Variants in CSMD3 observed in about 807,000 individuals in gnomAD.
CSMD3 encodes CUB and sushi domain-containing protein 3.
In CSMD3, 177 loss-of-function variants were observed where a neutral mutation model predicts 435.2. The ratio of observed to expected loss-of-function variants is 0.41; its 90% CI spans 0.36 to 0.46. The LOEUF (loss-of-function observed/expected upper bound fraction) is 0.46. Ranked by LOEUF, CSMD3 falls within the 20% of genes least tolerant of loss-of-function variation. The pLI, the probability that CSMD3 is intolerant of heterozygous loss-of-function variation, is 0.34. For synonymous variants in CSMD3, 1,656 were observed against 1,520.5 expected (o/e 1.09, Z -2.07); for missense variants, 4,265 against 4,504.6 (o/e 0.95, Z 1.52).
At chr8:112,537,260 C>G (rs960858194) in intron 27 of CSMD3, among the ~76,000 whole-genome samples, 1 of 151,706 alleles carries the variant, frequency 6.6e-6, no homozygotes, top group Non-Finnish European at 1.5e-5. Flanking sequence ...AACAGCAGTA[C>G]TAATTTATAG....
chr8:112,275,112 T>C (rs572848985), intron 59 of CSMD3, among the ~76,000 whole-genome samples: 1 of 151,952 alleles, frequency 6.6e-6, no homozygotes, highest in East Asian at 1.9e-4. Context: ...GTTCAAACCA[T>C]GCAAACCCTG....
chr8:112,959,600 T>A (rs1163785063), intron 7 of CSMD3, among the ~76,000 whole-genome samples: 1 of 151,910 alleles, frequency 6.6e-6, no homozygotes, highest in African/African-American at 2.4e-5. Context: ...TTGTGCTGTG[T>A]TTGATATGAT....
chr8:112,263,757 A>T lies in CSMD3; in HGVS notation c.9744T>A (p.Asn3248Lys), dbSNP rs1816669546. 6.2e-7 allele frequency: 1 copy of T among 1,613,832 alleles called. No individual in the cohort carries two copies. The highest frequency in any genetic ancestry group is 1.1e-5 in the South Asian group (1 of 91,080). Residue 3248 changes from asparagine (N) to lysine (K), a missense_variant, in exon 61 of 71, where the codon AAT (asparagine) becomes AAA (lysine). Asn to Lys is a moderately conservative substitution (Grantham distance 94). Transcript: ENST00000297405. ...AGCTAATACTAAAGCCCCAGTCGAA[A>T]TTTGTTCCTTCCAGCCTTCCATTAG... is the stretch of plus-strand genomic sequence containing the variant. ...QISNGRLEGT[N>K]FDWGFSISYI...
chr8:112,627,698 T>C (rs1834600313), intron 22 of CSMD3, among the ~76,000 whole-genome samples: 1 of 152,140 alleles, frequency 6.6e-6, no homozygotes, highest in Admixed American at 6.6e-5. Flanking sequence ...CCAAAGAGAT[T>C]TGAGATTTTA....
intron 13 of CSMD3, among the ~76,000 whole-genome samples, chr8:112,788,487 G>A (rs2078609867): frequency 6.6e-6 from 1 of 151,974 alleles, no homozygotes; most frequent in South Asian, 2.1e-4. Context: ...CACCGCCTCT[G>A]GAAATCTTTC....
Position 113,121,287 on chromosome 8 carries a change from G to A in CSMD3, c.710-22324C>T, listed in dbSNP as rs75998960. On this transcript the variant is annotated intron_variant, in intron 4 of 70. Transcript: ENST00000297405. ...TGCACAATCAACTGTGTTAAATACT[G>A]GTGGGGGGAGGGGGAAGCATCTTCT... Among the ~76,000 whole-genome samples the A allele has an allele frequency of 8.4e-3, 1,276 of 152,170 alleles. 20 individuals are homozygous for A. Among genetic ancestry groups the A allele is most frequent in the African/African-American group, 0.029 (1,195 of 41,534 alleles).
chr8:113,331,789 TA>T (rs1456666740), intron 1 of CSMD3, among the ~76,000 whole-genome samples: 1 of 151,702 alleles, frequency 6.6e-6, no homozygotes, highest in African/African-American at 2.4e-5. Context: ...TTCAACCTGA[TA>T]AAGAACAGCT....
At chr8:113,226,499 A>G (rs943640082) in intron 3 of CSMD3, among the ~76,000 whole-genome samples, 2 of 151,588 alleles carry the variant, frequency 1.3e-5, no homozygotes, top group African/African-American at 4.8e-5. Flanking sequence ...TTTGACCTGG[A>G]GTCATTTCTA....
At chr8:113,288,676 GA>G (rs2093663231) in intron 2 of CSMD3, among the ~76,000 whole-genome samples, 1 of 151,616 alleles carries the variant, frequency 6.6e-6, no homozygotes, top group Non-Finnish European at 1.5e-5. Context: ...ATAAACTCCT[GA>G]AAATGTTAAT....
At chr8:112,816,301 T>C (rs2079373667) in intron 12 of CSMD3, among the ~76,000 whole-genome samples, 3 of 152,070 alleles carry the variant, frequency 2.0e-5, no homozygotes, top group Non-Finnish European at 4.4e-5. Context: ...TGTATGTTTG[T>C]AAGTATGCAT....
Position 113,334,297 on chromosome 8 carries a change from A to ATTT in CSMD3, c.179-19507_179-19505dup, listed in dbSNP as rs2094052880. On this transcript the variant is annotated intron_variant, in intron 1 of 70. Coordinates refer to ENST00000297405, the MANE Select transcript of CSMD3 (RefSeq NM_198123.2). Reference sequence around the variant, plus strand: ...TTTAAGTTTTTTTTTTTTTTTTTTCATTTCCAGCCTGTGTACCTGTTACAT... The same window carrying ATTT: ...TTTAAGTTTTTTTTTTTTTTTTTTCATTTTTTCCAGCCTGTGTACCTGTTACAT... Among the ~76,000 whole-genome samples, 220 of 126,120 alleles carry ATTT rather than the reference A, an allele frequency of 1.7e-3. 16 individuals carry two copies. The highest frequency in any genetic ancestry group is 4.7e-3 in the East Asian group (20 of 4,278). The allele number at this position is 126,120 out of a possible 152,430, so 82.7% of individuals were successfully genotyped here.
chr8:112,350,824 C>T (rs540171732), intron 40 of CSMD3, among the ~76,000 whole-genome samples: 1 of 152,094 alleles, frequency 6.6e-6, no homozygotes, highest in South Asian at 2.1e-4. Context: ...TCTATTCCCG[C>T]TCAATAGTAA....
rs555532851 is a variant in CSMD3, at chr8:113,173,832, A to G, written c.599T>C (p.Ile200Thr). Residue 200 changes from isoleucine (I) to threonine (T), a missense_variant, in exon 4 of 71, where the codon ATC becomes ACC. Ile to Thr is a moderately conservative substitution (Grantham distance 89). Around this residue, in one of 3 missense-constraint regions of CSMD3, gnomAD observed 731 missense variants for 755.4 expected, o/e 0.97. Transcript: ENST00000297405. The stretch of plus-strand genomic sequence containing the variant: ...GTATCCAGTTACACAGCTGTAGCGG[A>G]TCTTGTCCCCGACGTCGAATCTTGT... ...YGTRFDVGDK[I>T]RYSCVTGYIL... is the part of the protein sequence containing the mutation. 6.2e-7 allele frequency: 1 copy of G among 1,613,894 alleles called. No homozygotes were observed. The highest frequency in any genetic ancestry group is 1.3e-5 in the African/African-American group (1 of 75,052).
chr8:113,259,390 G>A (rs2093408678), intron 3 of CSMD3, among the ~76,000 whole-genome samples: 5 of 152,182 alleles, frequency 3.3e-5, no homozygotes, highest in Admixed American at 2.6e-4. Flanking sequence ...AAACATGAGT[G>A]AGTCCATACA....
chr8:112,417,652 G>C (rs1812058629), intron 32 of CSMD3, among the ~76,000 whole-genome samples: 1 of 152,124 alleles, frequency 6.6e-6, no homozygotes, highest in Non-Finnish European at 1.5e-5. Context: ...AAGACTTCAA[G>C]ATGGCTATGC....
intron 58 of CSMD3, among the ~76,000 whole-genome samples, chr8:112,282,441 G>A (rs569139247): frequency 2.0e-5 from 3 of 152,104 alleles, no homozygotes; most frequent in African/African-American, 7.2e-5. Context: ...TTTTGGCCAT[G>A]TTTACTTGTT....
rs996278100 is a variant in CSMD3, at chr8:113,144,289, C to A, written c.709+29433G>T. Among the ~76,000 whole-genome samples the A allele has an allele frequency of 6.0e-5, 9 of 151,240 alleles. No individual in the cohort carries two copies. The Admixed American group carries it at 6.0e-4, about 10-fold the overall frequency. ...CCAAAAATCTGGTAATGGTATGTTT[C>A]CTTTTAGAGCTTGCCCTTTCAATTT... On this transcript the variant is annotated intron_variant, in intron 4 of 70. Transcript: ENST00000297405.
chr8:113,210,878 CAA>C (rs11287401), intron 3 of CSMD3, among the ~76,000 whole-genome samples: 3 of 143,312 alleles, frequency 2.1e-5, no homozygotes, highest in East Asian at 2.1e-4. Context: ...GACTCATTCT[CAA>C]AAAAAAAAAA....
chr8:112,630,926 C>A (rs1033525218), intron 22 of CSMD3, among the ~76,000 whole-genome samples: 2 of 143,818 alleles, frequency 1.4e-5, no homozygotes. Flanking sequence ...ATGTTACCAA[C>A]AAACTACATC....
Sources: allele counts gnomAD v4.1 joint callset (sites outside exome capture counted in the v4.1 genomes callset), GRCh38; gene constraint gnomAD v4.1.1; regional missense constraint gnomAD v4.1.1; transcripts MANE v1.5; gene names NCBI Gene and HGNC (gene_info 2026-07-23, HGNC 2026-07-21).